CUTC: variants seen among roughly 807,000 people sequenced by gnomAD.
CUTC encodes the protein cutC copper transporter.
CUTC carries 27 observed loss-of-function variants against 36.2 expected under a neutral mutation model. The observed-to-expected ratio is 0.75, with a 90% CI of 0.55 to 1.03. The LOEUF (loss-of-function observed/expected upper bound fraction) is 1.03, where lower values mean the gene tolerates loss of function less well. Ranked by LOEUF, CUTC falls within the 50% of genes least tolerant of loss-of-function variation. CUTC has a pLI of 0.00. For synonymous variants in CUTC, 114 were observed against 118.3 expected (o/e 0.96, Z 0.24); for missense variants, 315 against 343.5 (o/e 0.92, Z 0.66).
chr10:99,739,814 G>T (rs1245162921), intron 3 of CUTC, 45 bp downstream of exon 3: 1 of 1,530,528 alleles, frequency 6.5e-7, no homozygotes, highest in African/African-American at 1.4e-5. Flanking sequence ...AGTTCATAGA[G>T]CCTGGAAGCA....
chr10:99,744,151 G>A, intron 5 of CUTC, 79 bp downstream of exon 5: 1 of 1,174,544 alleles, frequency 8.5e-7, no homozygotes. Context: ...CCTTTTTATG[G>A]AACACAATTC....
At chr10:99,738,389 GGTGTGTGTGTGTGTGTGTGT>G (rs10693937) in intron 2 of CUTC, among the ~76,000 whole-genome samples, 1 of 142,862 alleles carries the variant, frequency 7.0e-6, no homozygotes, top group Non-Finnish European at 1.5e-5. Context: ...ACTCATACAG[GGTGTGTGTGTGTGTGTGTGT>G]GTGTGTGTGT....
At chr10:99,748,536 A>G (rs1359638336) in intron 6 of CUTC, among the ~76,000 whole-genome samples, 2 of 152,236 alleles carry the variant, frequency 1.3e-5, no homozygotes, top group Non-Finnish European at 2.9e-5. Context: ...GTCTGTGTGT[A>G]GTCACTATCC....
At chr10:99,734,706 A>G (rs1216458338) in intron 1 of CUTC, among the ~76,000 whole-genome samples, 6 of 152,132 alleles carry the variant, frequency 3.9e-5, no homozygotes, top group African/African-American at 7.2e-5. Flanking sequence ...AAATACATTA[A>G]TTTTGTTGTA....
chr10:99,732,592 G>T lies in CUTC; in HGVS notation c.61+183G>T, dbSNP rs1482964351. 6.3e-6 allele frequency: 9 copies of T among 1,435,944 alleles called. No individual in the cohort carries two copies. In the Admixed American group the frequency reaches 2.0e-4, roughly 32 times the overall value. The allele number at this position is 1,435,944 out of a possible 1,614,324, so 89.0% of individuals were successfully genotyped here. ...AAACGGAGGGCGTGACGAGGGGCAG[G>T]TAGCGAGAATGGCTCAGCTGTGGAG... On this transcript the variant is annotated intron_variant, in intron 1 of 8. Transcript: ENST00000370476.
intron 3 of CUTC, among the ~76,000 whole-genome samples, chr10:99,741,764 G>A (rs1333064974): frequency 6.6e-6 from 1 of 152,074 alleles, no homozygotes; most frequent in African/African-American, 2.4e-5. Flanking sequence ...TAGAGATGGA[G>A]TCTCACCATT....
At chr10:99,755,044 G>A (rs963613434) in intron 8 of CUTC, among the ~76,000 whole-genome samples, 1 of 152,094 alleles carries the variant, frequency 6.6e-6, no homozygotes, top group Non-Finnish European at 1.5e-5. Context: ...CCTCACATTT[G>A]TTCTCTGTTT....
intron 3 of CUTC, among the ~76,000 whole-genome samples, chr10:99,740,487 C>T (rs1191266695): frequency 6.6e-6 from 1 of 151,434 alleles, no homozygotes; most frequent in Non-Finnish European, 1.5e-5. Context: ...TGTATTGTTT[C>T]TGACAAAAAG....
At chr10:99,755,031 T>G (rs11816846) in intron 8 of CUTC, among the ~76,000 whole-genome samples, 1,890 of 152,362 alleles carry the variant, frequency 0.012, 51 homozygotes, top group African/African-American at 0.043. Context: ...GTACTTAGTC[T>G]TCCCTCACAT....
At chr10:99,750,832 T>C (rs967838556) in intron 7 of CUTC, among the ~76,000 whole-genome samples, 1 of 152,140 alleles carries the variant, frequency 6.6e-6, no homozygotes, top group African/African-American at 2.4e-5. Flanking sequence ...ACTGTCTCAG[T>C]TCCTGAAAAT....
In CUTC at chr10:99,732,802, T is replaced by C. The variant is rs907153663; in HGVS notation, c.61+393T>C. On this transcript the variant is annotated intron_variant, in intron 1 of 8. Coordinates refer to ENST00000370476, the MANE Select transcript of CUTC (RefSeq NM_015960.3). ...GCCCAGTTCCTAACCTGCAGTTACC[T>C]GTAGCTGCCACGGCGGGGACGGGGC... 6.6e-5 allele frequency among the ~76,000 whole-genome samples: 10 copies of C among 152,278 alleles called. No homozygotes were observed. The East Asian group carries it at 1.9e-3, about 29-fold the overall frequency.
rs374326203 is a variant in CUTC, at chr10:99,750,347, GTTTT to G, written c.574-14_574-11del. On this transcript the variant is annotated intron_variant, in intron 6 of 8. Coordinates refer to ENST00000370476, the MANE Select transcript of CUTC (RefSeq NM_015960.3). ...AAGAGAAAGATATTAAAATTCACTT[GTTTT>G]TTTTTTTCTTTTTTCAGGCAAAAGG... 9 of 1,215,860 alleles carry G rather than the reference GTTTT, an allele frequency of 7.4e-6. No homozygotes were observed. The highest frequency in any genetic ancestry group is 8.9e-6 in the Non-Finnish European group (8 of 894,520). 75.3% of individuals were successfully genotyped at this position (1,215,860 alleles called of 1,614,324 possible).
At chr10:99,735,612 T>A (rs773971522) in intron 1 of CUTC, among the ~76,000 whole-genome samples, 3 of 152,208 alleles carry the variant, frequency 2.0e-5, no homozygotes, top group African/African-American at 4.8e-5. Flanking sequence ...TTTACCATGT[T>A]GGCCAGGCTG....
chr10:99,754,947 G>C (rs1373948797), intron 8 of CUTC, among the ~76,000 whole-genome samples: 1 of 152,118 alleles, frequency 6.6e-6, no homozygotes, highest in African/African-American at 2.4e-5. Context: ...ATTCGCCTAT[G>C]ATTTCCTGTA....
At position 99,747,382 on chromosome 10, in the gene CUTC, A is replaced by C; in HGVS notation, c.565A>C (p.Ile189Leu). 6.2e-7 allele frequency: 1 copy of C among 1,614,172 alleles called. No individual in the cohort carries two copies. The highest frequency in any genetic ancestry group is 8.5e-7 in the Non-Finnish European group (1 of 1,180,016). The stretch of plus-strand genomic sequence containing the variant: ...AGGGCTACCCCTAATAAAGCGACTC[A>C]TTGAGCAGGTACGTGGACTTTATCT... ...LEGLPLIKRL[I>L]EQAKGRIVVM... Residue 189 changes from isoleucine to leucine, a missense_variant, in exon 6 of 9, where the codon ATT (isoleucine) becomes CTT (leucine). Transcript: ENST00000370476.
At chr10:99,745,726 G>A (rs1342601149) in intron 5 of CUTC, among the ~76,000 whole-genome samples, 4 of 152,122 alleles carry the variant, frequency 2.6e-5, no homozygotes, top group Admixed American at 6.5e-5. Flanking sequence ...GCGTGGTGGC[G>A]CATGCCTGTA....
In CUTC at chr10:99,732,407, C is replaced by G. The variant is rs1170657885; in HGVS notation, c.59C>G (p.Ala20Gly). 3 of 1,551,374 alleles carry G rather than the reference C, an allele frequency of 1.9e-6. No homozygotes were observed. The Admixed American group carries it at 5.9e-5, about 30-fold the overall frequency. The stretch of plus-strand genomic sequence containing the variant: ...CGAGCGCGGATACCGTCCGGGAAGG[C>G]CGGTGCGGAAGGTGGCGGGGGAGGG... ...RKRARIPSGK[A>G]GAANGFLMEV... is the part of the protein sequence containing the mutation. Residue 20 changes from alanine to glycine, a missense_variant and splice_region_variant, in exon 1 of 9, where the codon GCC becomes GGC. Coordinates refer to ENST00000370476, the MANE Select transcript of CUTC (RefSeq NM_015960.3).
chr10:99,735,372 G>C (rs1035066680), intron 1 of CUTC, among the ~76,000 whole-genome samples: 1 of 152,074 alleles, frequency 6.6e-6, no homozygotes, highest in Admixed American at 6.6e-5. Context: ...TGAGGAGAAG[G>C]CATTGGGGAG....
chr10:99,741,478 C>T (rs1418999123), intron 3 of CUTC, among the ~76,000 whole-genome samples: 1 of 152,190 alleles, frequency 6.6e-6, no homozygotes, highest in South Asian at 2.1e-4. Flanking sequence ...TCTCTGCAGA[C>T]CTCCAGAGTT....
Sources: gnomAD v4.1 joint callset for allele counts (sites outside exome capture counted in the v4.1 genomes callset) on GRCh38, gnomAD v4.1.1 for gene constraint, MANE v1.5 for transcripts, NCBI Gene and HGNC (gene_info 2026-07-23, HGNC 2026-07-21) for gene names.